The following INA variants were observed in gnomAD, a reference collection of about 807,000 sequenced individuals.
The protein encoded by INA is internexin neuronal intermediate filament protein alpha.
In INA, 35 loss-of-function variants were observed where a neutral mutation model predicts 40.1. That is an observed-to-expected ratio of 0.87 (90% confidence interval 0.67 to 1.16). The LOEUF (loss-of-function observed/expected upper bound fraction) is 1.16. Ranked by LOEUF, INA falls within the 50% of genes most tolerant of loss-of-function variation. INA has a pLI of 0.00. For synonymous variants in INA, 290 were observed against 316.9 expected (o/e 0.92, Z 0.90); for missense variants, 594 against 686.7 (o/e 0.87, Z 1.51).
intron 1 of INA, among the ~76,000 whole-genome samples, chr10:103,283,737 C>T (rs2093078071): frequency 6.7e-6 from 1 of 148,708 alleles, no homozygotes; most frequent in Non-Finnish European, 1.5e-5. Flanking sequence ...TGTTTATCTG[C>T]ATCACTGTTT....
rs1026809573 is a variant in INA, at chr10:103,280,030, G to C, written c.1065+1754G>C. 33 of 1,277,894 alleles carry C rather than the reference G, an allele frequency of 2.6e-5. No individual in the cohort carries two copies. The Admixed American group carries it at 8.2e-4, about 32-fold the overall frequency. The allele number at this position is 1,277,894 out of a possible 1,614,324, so 79.2% of individuals were successfully genotyped here. A position where few individuals can be genotyped will look rare whatever the true frequency, so the allele number is the denominator to read the frequency against. On this transcript the variant is annotated intron_variant, in intron 1 of 2. Coordinates refer to ENST00000369849, the MANE Select transcript of INA (RefSeq NM_032727.4). ...GATAACTTACTCAGAGCTGCCAGCTGAATTGGGCTTCTCCATTTTCTCTGC... is the reference window on the plus strand; with the variant it reads ...GATAACTTACTCAGAGCTGCCAGCTCAATTGGGCTTCTCCATTTTCTCTGC...
At chr10:103,284,212 A>G (rs1336377901) in intron 1 of INA, among the ~76,000 whole-genome samples, 2 of 151,832 alleles carry the variant, frequency 1.3e-5, no homozygotes, top group Admixed American at 6.6e-5. Context: ...GGCTCGAGCA[A>G]TTCTCTCAGC....
chr10:103,285,699 C>T (rs1018659175), intron 1 of INA, among the ~76,000 whole-genome samples: 1 of 149,536 alleles, frequency 6.7e-6, no homozygotes, highest in Non-Finnish European at 1.5e-5. Context: ...CTCACTGCAA[C>T]CTCCCCCTCC....
chr10:103,280,097 C>G, intron 1 of INA: 1 of 1,211,252 alleles, frequency 8.3e-7, no homozygotes, highest in Non-Finnish European at 1.1e-6. Flanking sequence ...GACAGTTTTG[C>G]CTGGCTTGTT....
At position 103,277,205 on chromosome 10, in the gene INA, C is replaced by A; in HGVS notation, c.-7C>A. The A allele has an allele frequency of 6.4e-7, 1 of 1,572,162 alleles. No individual in the cohort carries two copies. Among genetic ancestry groups the A allele is most frequent in the South Asian group, 1.1e-5 (1 of 87,434 alleles). ...GAAGCCGCACGTCCGGCCCCGATCC[C>A]GGCACCATGAGCTTCGGCTCGGAGC... On this transcript the variant is annotated 5_prime_UTR_variant, in exon 1 of 3. Coordinates refer to ENST00000369849, the MANE Select transcript of INA (RefSeq NM_032727.4). This position sits in a 1 kb window ranked among gnomAD's most constrained non-coding sequence, Gnocchi z 5.6.
At position 103,277,584 on chromosome 10, in the gene INA, G is replaced by C; in HGVS notation, c.373G>C (p.Glu125Gln). Residue 125 changes from glutamate (E) to glutamine (Q), a missense_variant, in exon 1 of 3, where the codon GAG becomes CAG. Glu to Gln is a conservative substitution (Grantham distance 29). This residue lies in a region of INA where 215 missense variants were observed against 190.6 expected (regional missense o/e 1.13). Coordinates refer to ENST00000369849, the MANE Select transcript of INA (RefSeq NM_032727.4). The surrounding 1 kb of genome is among the most constrained non-coding windows in gnomAD (Gnocchi z 5.6). ...GACGCAGAACCGCGCGTTGGAGGCC[G>C]AGCTGGCCGCGCTGCGACAGCGCCA... is the stretch of plus-strand genomic sequence containing the variant. ...LETQNRALEA[E>Q]LAALRQRHAE... 6.4e-7 allele frequency: 1 copy of C among 1,561,940 alleles called. No homozygotes were observed. Among genetic ancestry groups the C allele is most frequent in the Non-Finnish European group, 8.6e-7 (1 of 1,160,828 alleles).
intron 1 of INA, among the ~76,000 whole-genome samples, chr10:103,279,092 A>C (rs887360670): frequency 2.0e-5 from 3 of 151,894 alleles, no homozygotes; most frequent in Non-Finnish European, 2.9e-5. Context: ...ATGAATCTCT[A>C]GGCAATTAAC....
Position 103,277,589 on chromosome 10 carries a change from G to T in INA, c.378G>T (p.Leu126=). The change falls in exon 1 of 3, where the codon CTG becomes CTT. Residue 126 remains leucine (L), a synonymous_variant. Transcript: ENST00000369849. This position sits in a 1 kb window ranked among gnomAD's most constrained non-coding sequence, Gnocchi z 5.6. ...ETQNRALEAE[L]AALRQRHAEP... is the part of the protein sequence containing the mutation. ...AGAACCGCGCGTTGGAGGCCGAGCT[G>T]GCCGCGCTGCGACAGCGCCACGCTG... The T allele has an allele frequency of 6.4e-7, 1 of 1,559,292 alleles. No individual in the cohort carries two copies. Among genetic ancestry groups the T allele is most frequent in the African/African-American group, 1.4e-5 (1 of 71,116 alleles).
In INA at chr10:103,288,711, A is replaced by G. The variant is rs1218596615; in HGVS notation, c.*42A>G. On this transcript the variant is annotated 3_prime_UTR_variant, in exon 3 of 3. Coordinates refer to ENST00000369849, the MANE Select transcript of INA (RefSeq NM_032727.4). ...AAGTTAATGCTTAAGAGGGAATGAT[A>G]TGCATTTGACTTGTTAAACAGCCTA... 10 of 1,323,178 alleles carry G rather than the reference A, an allele frequency of 7.6e-6. No homozygotes were observed. The highest frequency in any genetic ancestry group is 1.0e-5 in the Non-Finnish European group (10 of 958,954). 82.0% of individuals were successfully genotyped at this position (1,323,178 alleles called of 1,614,324 possible).
intron 1 of INA, chr10:103,280,247 G>A: frequency 1.0e-6 from 1 of 985,430 alleles, no homozygotes; most frequent in Non-Finnish European, 1.2e-6. Context: ...AGCCTTTAGA[G>A]CCACAGAGGA....
chr10:103,287,788 T>C (rs2093089902), intron 2 of INA, among the ~76,000 whole-genome samples: 1 of 145,464 alleles, frequency 6.9e-6, no homozygotes, highest in Admixed American at 6.9e-5. Flanking sequence ...ATGAGAAACA[T>C]GGTTTGGGGC....
chr10:103,288,782 C>A lies in INA; in HGVS notation c.*113C>A. 1.4e-6 allele frequency: 1 copy of A among 693,412 alleles called. No individual in the cohort carries two copies. The highest frequency in any genetic ancestry group is 2.4e-6 in the Non-Finnish European group (1 of 415,570). The allele number at this position is 693,412 out of a possible 1,614,324, so 43.0% of individuals were successfully genotyped here. On this transcript the variant is annotated 3_prime_UTR_variant, in exon 3 of 3. Coordinates refer to ENST00000369849, the MANE Select transcript of INA (RefSeq NM_032727.4). The stretch of plus-strand genomic sequence containing the variant: ...CCACCACTATAAAATGTCTTCAAGG[C>A]TTCAGTCTCATATTTAGTATTGAAT...
At position 103,287,098 on chromosome 10, in the gene INA, C is replaced by T. The variant is rs1197390847; in HGVS notation, c.1129C>T (p.Arg377Trp). ...CAAGAGTGAGATGGCACGCCACCTT[C>T]GGGAATACCAGGACTTGCTCAATGT... ...NTKSEMARHL[R>W]EYQDLLNVKM... is the part of the protein sequence containing the mutation. Residue 377 changes from arginine to tryptophan, a missense_variant, in exon 2 of 3, where the codon CGG (arginine) becomes TGG (tryptophan). By Grantham distance (101) the Arg-to-Trp change is moderately radical. Transcript: ENST00000369849. The T allele has an allele frequency of 9.3e-6, 15 of 1,613,780 alleles. No individual in the cohort carries two copies. Among genetic ancestry groups the T allele is most frequent in the South Asian group, 2.2e-5 (2 of 91,020 alleles).
chr10:103,277,764 G>C lies in INA; in HGVS notation c.553G>C (p.Glu185Gln). The C allele has an allele frequency of 6.8e-7, 1 of 1,477,382 alleles. No homozygotes were observed. Among genetic ancestry groups the C allele is most frequent in the African/African-American group, 1.4e-5 (1 of 69,016 alleles). The allele number at this position is 1,477,382 out of a possible 1,614,324, so 91.5% of individuals were successfully genotyped here. Reference protein sequence around the residue: ...VQRLRARCEEESRGREGAERA... With the variant: ...VQRLRARCEEQSRGREGAERA... ...GCGGCTGCGGGCGCGCTGCGAGGAGGAGAGCCGCGGACGCGAAGGCGCCGA... is the reference window on the plus strand; with the variant it reads ...GCGGCTGCGGGCGCGCTGCGAGGAGCAGAGCCGCGGACGCGAAGGCGCCGA... Residue 185 changes from glutamate (E) to glutamine (Q), a missense_variant, in exon 1 of 3, where the codon GAG becomes CAG. By Grantham distance (29) the Glu-to-Gln change is conservative. Coordinates refer to ENST00000369849, the MANE Select transcript of INA (RefSeq NM_032727.4). This position sits in a 1 kb window ranked among gnomAD's most constrained non-coding sequence, Gnocchi z 5.6.
At chr10:103,281,108 C>G (rs1021667787) in intron 1 of INA, among the ~76,000 whole-genome samples, 2 of 152,176 alleles carry the variant, frequency 1.3e-5, no homozygotes, top group African/African-American at 4.8e-5. Flanking sequence ...GGGGCTGGCC[C>G]CTTGGAGACT....
rs979884580 is a variant in INA at position 103,289,682 on chromosome 10, C to T, written c.*1013C>T. On this transcript the variant is annotated 3_prime_UTR_variant, in exon 3 of 3. Coordinates refer to ENST00000369849, the MANE Select transcript of INA (RefSeq NM_032727.4). ...TGATATAGAATTAGCTTTTTCATCCCCTTACCCTTAGAATCCACGTATTCC... is the reference window on the plus strand; with the variant it reads ...TGATATAGAATTAGCTTTTTCATCCTCTTACCCTTAGAATCCACGTATTCC... 9.2e-5 allele frequency: 14 copies of T among 152,222 alleles called. No homozygotes were observed. Among genetic ancestry groups the T allele is most frequent in the Non-Finnish European group, 2.1e-4 (14 of 68,038 alleles). 9.4% of individuals were successfully genotyped at this position (152,222 alleles called of 1,614,324 possible).
At chr10:103,282,215 T>G (rs955119879) in intron 1 of INA, among the ~76,000 whole-genome samples, 5 of 152,186 alleles carry the variant, frequency 3.3e-5, no homozygotes, top group African/African-American at 1.2e-4. Context: ...CAAGGAAATC[T>G]CATCTGTCTA....
In INA at chr10:103,288,972, T is replaced by C; in HGVS notation, c.*303T>C. The C allele has an allele frequency of 5.1e-6, 1 of 195,442 alleles. No individual in the cohort carries two copies. Among genetic ancestry groups the C allele is most frequent in the Non-Finnish European group, 1.0e-5 (1 of 96,314 alleles). 12.1% of individuals were successfully genotyped at this position (195,442 alleles called of 1,614,324 possible). A position where few individuals can be genotyped will look rare whatever the true frequency, so the allele number is the denominator to read the frequency against. ...AGGAAGTACAAACTAAGGTGCTAAA[T>C]CTGCGATCATCGTCATTTGCTGTGA... On this transcript the variant is annotated 3_prime_UTR_variant, in exon 3 of 3. Transcript: ENST00000369849.
rs187049569 is a variant in INA, at chr10:103,287,062, C to T, written c.1093C>T (p.Leu365=). 14 of 1,613,946 alleles carry T rather than the reference C, an allele frequency of 8.7e-6. No homozygotes were observed. In the African/African-American group the frequency reaches 1.5e-4, roughly 17 times the overall value. ...QDSIGQLEND[L]RNTKSEMARH... ...TAGCATTGGGCAGCTGGAGAATGAT[C>T]TGAGGAACACCAAGAGTGAGATGGC... Residue 365 remains leucine, a synonymous_variant, in exon 2 of 3, where the codon CTG becomes TTG. Transcript: ENST00000369849.
Sources: gnomAD v4.1 joint callset for allele counts (sites outside exome capture counted in the v4.1 genomes callset) on GRCh38, gnomAD v4.1.1 for gene constraint, gnomAD v4.1.1 regional missense constraint, Gnocchi (gnomAD v3.1) non-coding constraint, MANE v1.5 for transcripts, NCBI Gene and HGNC (gene_info 2026-07-23, HGNC 2026-07-21) for gene names.